Variants in MDFIC observed in about 807,000 individuals in gnomAD.
MDFIC encodes the protein myoD family inhibitor domain-containing protein.
Under a neutral mutation model 23.2 loss-of-function variants are expected in MDFIC, and 17 were observed. That is an observed-to-expected ratio of 0.73 (90% CI 0.50 to 1.10). MDFIC has a LOEUF of 1.10. MDFIC is among the 50% of genes least tolerant of loss of function. MDFIC has a pLI of 0.00. For synonymous variants in MDFIC, 120 were observed against 115.2 expected (o/e 1.04, Z -0.27); for missense variants, 356 against 316.6 (o/e 1.12, Z -0.95).
At chr7:114,931,772 T>C (rs1449346687) in intron 2 of MDFIC, among the ~76,000 whole-genome samples, 1 of 152,204 alleles carries the variant, frequency 6.6e-6, no homozygotes, top group Non-Finnish European at 1.5e-5. Flanking sequence ...GGACTGCTAG[T>C]GTCCATAGTT....
At chr7:114,932,697 G>A (rs1792337390) in intron 2 of MDFIC, among the ~76,000 whole-genome samples, 1 of 152,236 alleles carries the variant, frequency 6.6e-6, no homozygotes, top group Admixed American at 6.5e-5. Context: ...TGTGGTCTTA[G>A]AGGAGAATCC....
chr7:114,997,122 G>C (rs1431437107), intron 4 of MDFIC, among the ~76,000 whole-genome samples: 1 of 152,224 alleles, frequency 6.6e-6, no homozygotes, highest in Non-Finnish European at 1.5e-5. Flanking sequence ...GATCGGGCTA[G>C]AGTGTGATTG....
intron 2 of MDFIC, among the ~76,000 whole-genome samples, chr7:114,938,740 AG>A (rs1375855533): frequency 3.3e-5 from 5 of 152,206 alleles, no homozygotes; most frequent in African/African-American, 1.2e-4. Context: ...AGAAAGGTAC[AG>A]ACTGATTTCA....
intron 3 of MDFIC, among the ~76,000 whole-genome samples, chr7:114,951,538 T>C (rs1163441427): frequency 6.6e-6 from 1 of 152,206 alleles, no homozygotes; most frequent in Non-Finnish European, 1.5e-5. Flanking sequence ...TTTATTTTTT[T>C]CTTAATGCAA....
At chr7:114,995,004 T>C (rs1211502731) in intron 4 of MDFIC, among the ~76,000 whole-genome samples, 1 of 152,198 alleles carries the variant, frequency 6.6e-6, no homozygotes, top group Non-Finnish European at 1.5e-5. Context: ...GTAGATTTGG[T>C]CTTTTCACAT....
At chr7:115,014,094 C>G (rs1212263357) in intron 4 of MDFIC, 10 of 985,238 alleles carry the variant, frequency 1.0e-5, no homozygotes, top group Non-Finnish European at 1.2e-5. Context: ...CTCTCTGACC[C>G]TTCCTCCTTT....
intron 4 of MDFIC, among the ~76,000 whole-genome samples, chr7:115,009,315 A>G (rs934004281): frequency 6.6e-6 from 1 of 152,166 alleles, no homozygotes; most frequent in Non-Finnish European, 1.5e-5. Flanking sequence ...GCTGTTTGGT[A>G]TCTCTGTTCC....
chr7:114,982,533 GA>G (rs111831668), intron 4 of MDFIC, among the ~76,000 whole-genome samples: 2,759 of 145,180 alleles, frequency 0.019, 62 homozygotes, highest in African/African-American at 0.055. Flanking sequence ...CTACAAAAAA[GA>G]AAAAAAAAAA....
At chr7:114,934,091 T>C (rs112387798) in intron 2 of MDFIC, 1 of 152,208 alleles carries the variant, frequency 6.6e-6, no homozygotes, top group Admixed American at 6.5e-5. Flanking sequence ...CACATCTAAC[T>C]CCAGATTTCA....
chr7:114,975,707 A>T (rs1311943680), intron 3 of MDFIC, among the ~76,000 whole-genome samples: 1 of 152,016 alleles, frequency 6.6e-6, no homozygotes, highest in Non-Finnish European at 1.5e-5. Context: ...TTTAACTCTA[A>T]TTTTACCATA....
intron 3 of MDFIC, among the ~76,000 whole-genome samples, chr7:114,967,463 T>A (rs1207768332): frequency 6.6e-6 from 1 of 152,250 alleles, no homozygotes; most frequent in Non-Finnish European, 1.5e-5. Context: ...GATGAGAAAG[T>A]TGACATGCTG....
At chr7:114,996,123 G>T (rs1791321788) in intron 4 of MDFIC, among the ~76,000 whole-genome samples, 1 of 152,194 alleles carries the variant, frequency 6.6e-6, no homozygotes, top group Non-Finnish European at 1.5e-5. Flanking sequence ...GCAGATGGCT[G>T]ACATGATCTG....
At chr7:114,973,965 C>T (rs967671080) in intron 3 of MDFIC, among the ~76,000 whole-genome samples, 1 of 152,018 alleles carries the variant, frequency 6.6e-6, no homozygotes, top group Non-Finnish European at 1.5e-5. Context: ...ATAAAAGAGT[C>T]CAGAAGCTCA....
intron 2 of MDFIC, among the ~76,000 whole-genome samples, chr7:114,939,552 T>G (rs1211200361): frequency 6.6e-6 from 1 of 152,204 alleles, no homozygotes; most frequent in East Asian, 1.9e-4. Context: ...AATTGTCCAT[T>G]AATAACAATT....
chr7:114,995,502 G>A (rs543712207), intron 4 of MDFIC, among the ~76,000 whole-genome samples: 60 of 152,278 alleles, frequency 3.9e-4, no homozygotes, highest in African/African-American at 1.4e-3. Flanking sequence ...TTTGATGATG[G>A]TAATGTGCAG....
chr7:114,922,737 C>A, intron 1 of MDFIC, 101 bp downstream of exon 1: 2 of 1,339,726 alleles, frequency 1.5e-6, no homozygotes, highest in South Asian at 1.7e-5. Context: ...CCGCTGGGTC[C>A]ACCTCGGACC....
rs1299417976 is a variant in MDFIC at position 114,922,434 on chromosome 7, C to G, written c.-310C>G. On this transcript the variant is annotated 5_prime_UTR_variant, in exon 1 of 5. Coordinates refer to ENST00000393486, the MANE Select transcript of MDFIC (RefSeq NM_001166345.3). The stretch of plus-strand genomic sequence containing the variant: ...GGGGCGGAGTGCGCGGAGTCAGAGC[C>G]GCCACCGCTGCCGCAGTTGCCGCCA... 7 of 1,241,860 alleles carry G rather than the reference C, an allele frequency of 5.6e-6. No individual in the cohort carries two copies. The highest frequency in any genetic ancestry group is 7.1e-6 in the Non-Finnish European group (7 of 989,028). The allele number at this position is 1,241,860 out of a possible 1,614,324, so 76.9% of individuals were successfully genotyped here. A position where few individuals can be genotyped will look rare whatever the true frequency, so the allele number is the denominator to read the frequency against.
At position 115,018,636 on chromosome 7, in the gene MDFIC, A is replaced by G. The variant is rs1368473854; in HGVS notation, c.*2701A>G. 1 of 152,474 alleles carries G rather than the reference A, an allele frequency of 6.6e-6. No homozygotes were observed. The allele number at this position is 152,474 out of a possible 1,614,324, so 9.4% of individuals were successfully genotyped here. On this transcript the variant is annotated 3_prime_UTR_variant, in exon 5 of 5. Transcript: ENST00000393486. ...TATATGGCTATCATGACTAAGTGCTAGAATTTATAGTTACAGGCGGTGTCC... is the reference window on the plus strand; with the variant it reads ...TATATGGCTATCATGACTAAGTGCTGGAATTTATAGTTACAGGCGGTGTCC...
chr7:114,988,822 A>G (rs1351796198), intron 4 of MDFIC, among the ~76,000 whole-genome samples: 1 of 152,160 alleles, frequency 6.6e-6, no homozygotes, highest in African/African-American at 2.4e-5. Context: ...AGGCAAATAT[A>G]CTTATTCATA....
Sources: allele counts gnomAD v4.1 joint callset (sites outside exome capture counted in the v4.1 genomes callset), GRCh38; gene constraint gnomAD v4.1.1; transcripts MANE v1.5; gene names NCBI Gene and HGNC (gene_info 2026-07-23, HGNC 2026-07-21).